The following EPG5 variants were observed in gnomAD, a reference collection of about 807,000 sequenced individuals.
The protein encoded by EPG5 is ectopic P granules protein 5 homolog.
EPG5 carries 159 observed loss-of-function variants against 302.7 expected under a neutral mutation model. That is an observed-to-expected ratio of 0.53 (90% confidence interval 0.46 to 0.60). The LOEUF (loss-of-function observed/expected upper bound fraction) is 0.60, where lower values mean the gene tolerates loss of function less well. EPG5 is among the 20% of genes least tolerant of loss of function. The pLI is 0.00. For missense variants in EPG5, 2,896 were observed against 3,092.4 expected (o/e 0.94, Z 1.51); for synonymous variants, 1,158 against 1,136.8 (o/e 1.02, Z -0.37).
chr18:45,929,485 T>C (rs1352600383), intron 12 of EPG5, among the ~76,000 whole-genome samples: 4 of 152,244 alleles, frequency 2.6e-5, no homozygotes, highest in Admixed American at 6.5e-5. Context: ...ATGCCAATGG[T>C]ATTTTTTAAC....
chr18:45,868,158 T>C, intron 36 of EPG5: 1 of 456,664 alleles, frequency 2.2e-6, no homozygotes, highest in Non-Finnish European at 4.4e-6. Flanking sequence ...CAGAACTAAA[T>C]GGAAGGTATA....
chr18:45,894,315 C>G (rs898770703), intron 27 of EPG5, among the ~76,000 whole-genome samples: 1 of 152,046 alleles, frequency 6.6e-6, no homozygotes, highest in Non-Finnish European at 1.5e-5. Flanking sequence ...CAAAAATTAG[C>G]TGGGCACGGT....
intron 19 of EPG5, 128 bp from the exon 20 acceptor site, chr18:45,915,749 A>G: frequency 1.3e-6 from 1 of 767,364 alleles, no homozygotes; most frequent in South Asian, 1.8e-5. Flanking sequence ...TTCAAGGATG[A>G]GTCCACCAGC....
In EPG5 at chr18:45,955,146, T is replaced by C. The variant is rs778254960; in HGVS notation, c.256A>G (p.Thr86Ala). ...TCTTCATTGCTTATAGTTAAGGAGG[T>C]GAGTGGTACATCAAACATTTCACTC... ...NESEMFDVPL[T>A]SLTISNEESL... is the part of the protein sequence containing the mutation. The change falls in exon 2 of 44, where the codon ACC (threonine) becomes GCC (alanine). Residue 86 changes from threonine (T) to alanine (A), a missense_variant. Coordinates refer to ENST00000282041, the MANE Select transcript of EPG5 (RefSeq NM_020964.3). 6.2e-7 allele frequency: 1 copy of C among 1,614,034 alleles called. No homozygotes were observed. Among genetic ancestry groups the C allele is most frequent in the South Asian group, 1.1e-5 (1 of 91,068 alleles).
At chr18:45,811,581 C>T in the EPG5 span, among the ~76,000 whole-genome samples, 2 of 152,302 alleles carry the variant, frequency 1.3e-5, no homozygotes, top group African/African-American at 4.8e-5. Context: ...ATCAAGTGGA[C>T]TTCATCCCTG....
the EPG5 span, among the ~76,000 whole-genome samples, chr18:45,801,193 C>A: frequency 6.6e-6 from 1 of 152,106 alleles, no homozygotes; most frequent in Non-Finnish European, 1.5e-5. Context: ...CGTGCTACCA[C>A]ACCTGGCTAA....
chr18:45,805,610 T>A, the EPG5 span, among the ~76,000 whole-genome samples: 1 of 151,646 alleles, frequency 6.6e-6, no homozygotes, highest in Non-Finnish European at 1.5e-5. Context: ...AAAACAAAAG[T>A]AAGATTTAAA....
chr18:45,814,970 T>G, the EPG5 span, among the ~76,000 whole-genome samples: 1 of 152,206 alleles, frequency 6.6e-6, no homozygotes, highest in Admixed American at 6.5e-5. Flanking sequence ...TGGGAACTGA[T>G]TTATTTTCAC....
In EPG5 at chr18:45,955,333, CT is replaced by C. The variant is rs1424272107; in HGVS notation, c.68del (p.Lys23ArgfsTer29). 1 of 1,537,894 alleles carries C rather than the reference CT, an allele frequency of 6.5e-7. No homozygotes were observed. Among genetic ancestry groups the C allele is most frequent in the Non-Finnish European group, 8.7e-7 (1 of 1,143,168 alleles). ...CCCTCTGAGGAGTTTCATACTTCTT[CT>C]TTTCCTAAAAACAACATACATAATG... ...AKASRTKTKE[K>X]KKYETPQREE... On this transcript the variant is annotated frameshift_variant, in exon 2 of 44. Coordinates refer to ENST00000282041, the MANE Select transcript of EPG5 (RefSeq NM_020964.3). LOFTEE classifies it high-confidence loss of function.
At chr18:45,842,165 C>A in the EPG5 span, 1 of 1,614,194 alleles carries the variant, frequency 6.2e-7, no homozygotes, top group East Asian at 2.2e-5. Flanking sequence ...CGGAGCCCAC[C>A]AGCCACCATG....
intron 31 of EPG5, 64 bp from the exon 32 acceptor site, chr18:45,880,287 C>T: frequency 7.1e-7 from 1 of 1,414,756 alleles, no homozygotes; most frequent in Non-Finnish European, 9.4e-7. Flanking sequence ...TAACTTGTAA[C>T]AAAGAATATG....
chr18:45,920,962 G>C (rs1369673104), intron 16 of EPG5, among the ~76,000 whole-genome samples: 1 of 152,090 alleles, frequency 6.6e-6, no homozygotes, highest in Non-Finnish European at 1.5e-5. Flanking sequence ...GTGTACATTA[G>C]AGATACTTAG....
chr18:45,820,012 C>T, the EPG5 span, among the ~76,000 whole-genome samples: 2 of 152,108 alleles, frequency 1.3e-5, no homozygotes, highest in African/African-American at 4.8e-5. Context: ...CAAAGTCATC[C>T]TGTTGTTAGT....
rs114253118 is a variant in EPG5 at position 45,963,067 on chromosome 18, T to G, written c.63+4110A>C. On this transcript the variant is annotated intron_variant, in intron 1 of 43. Coordinates refer to ENST00000282041, the MANE Select transcript of EPG5 (RefSeq NM_020964.3). Reference sequence around the variant, plus strand: ...ATTTATTTCATCATTCGACGAACATTATCAAGTGACAAAGAGGCTACGAAG... The same window carrying G: ...ATTTATTTCATCATTCGACGAACATGATCAAGTGACAAAGAGGCTACGAAG... 7.0e-3 allele frequency among the ~76,000 whole-genome samples: 1,060 copies of G among 152,260 alleles called. 10 individuals carry two copies. Among genetic ancestry groups the G allele is most frequent in the African/African-American group, 0.024 (997 of 41,564 alleles).
intron 1 of EPG5, among the ~76,000 whole-genome samples, chr18:45,965,293 A>G (rs1218174007): frequency 2.0e-5 from 3 of 152,190 alleles, no homozygotes; most frequent in Non-Finnish European, 4.4e-5. Flanking sequence ...ACCAGGGCCT[A>G]CTTGAGGGCA....
intron 27 of EPG5, among the ~76,000 whole-genome samples, chr18:45,893,612 A>T (rs973755585): frequency 1.3e-5 from 2 of 151,786 alleles, no homozygotes; most frequent in Non-Finnish European, 2.9e-5. Context: ...AATACCAGGG[A>T]CATGAGAGTG....
In EPG5 at chr18:45,860,235, C is replaced by T. The variant is rs767427212; in HGVS notation, c.6878G>A (p.Arg2293Gln). 16 of 1,614,220 alleles carry T rather than the reference C, an allele frequency of 9.9e-6. No homozygotes were observed. Among genetic ancestry groups the T allele is most frequent in the Admixed American group, 5.0e-5 (3 of 60,032 alleles). ...PTAEFLRGSIRTWIGQKMHGL... is the reference protein window; with the variant it reads ...PTAEFLRGSIQTWIGQKMHGL... ...ATGCATTTTTTGGCCAATCCAGGTCCGGATACTGCCCCGAAGGAACTCTGC... is the reference window on the plus strand; with the variant it reads ...ATGCATTTTTTGGCCAATCCAGGTCTGGATACTGCCCCGAAGGAACTCTGC... The change falls in exon 40 of 44, where the codon CGG becomes CAG. Residue 2293 changes from arginine to glutamine, a missense_variant. By Grantham distance (43) the Arg-to-Gln change is conservative (BLOSUM62 1). Coordinates refer to ENST00000282041, the MANE Select transcript of EPG5 (RefSeq NM_020964.3).
the EPG5 span, among the ~76,000 whole-genome samples, chr18:45,812,963 A>G: frequency 4.9e-4 from 74 of 152,346 alleles, no homozygotes; most frequent in African/African-American, 1.6e-3. Flanking sequence ...AAAAGAAACT[A>G]CCATTAGAGT....
At chr18:45,807,781 G>A in the EPG5 span, among the ~76,000 whole-genome samples, 2 of 152,038 alleles carry the variant, frequency 1.3e-5, no homozygotes, top group African/African-American at 2.4e-5. Context: ...CAAATGAGAA[G>A]GAACCAGAAA....
Sources: allele counts gnomAD v4.1 joint callset (sites outside exome capture counted in the v4.1 genomes callset), GRCh38; gene constraint gnomAD v4.1.1; transcripts MANE v1.5; gene names NCBI Gene and HGNC (gene_info 2026-07-23, HGNC 2026-07-21).